The following CLSTN2 variants were observed in gnomAD, a reference collection of about 807,000 sequenced individuals.
CLSTN2 encodes the protein calsyntenin-2.
CLSTN2 carries 48 observed loss-of-function variants against 101.2 expected under a neutral mutation model. The ratio of observed to expected loss-of-function variants is 0.47; its 90% CI spans 0.38 to 0.60. CLSTN2 has a LOEUF of 0.60. Among genes scored for constraint, CLSTN2 ranks in the 20% least tolerant of loss-of-function variants. The pLI, the probability that CLSTN2 is intolerant of heterozygous loss-of-function variation, is 0.00. For missense variants in CLSTN2, 1,160 were observed against 1,238.2 expected (o/e 0.94, Z 0.95); for synonymous variants, 481 against 463.6 (o/e 1.04, Z -0.48).
chr3:140,085,027 T>A (rs1297627131), intron 1 of CLSTN2, among the ~76,000 whole-genome samples: 1 of 152,222 alleles, frequency 6.6e-6, no homozygotes, highest in Non-Finnish European at 1.5e-5. Context: ...CTTCTACCGT[T>A]TACTTCTCCA....
intron 1 of CLSTN2, among the ~76,000 whole-genome samples, chr3:140,146,541 A>G (rs1292045484): frequency 6.6e-6 from 1 of 152,264 alleles, no homozygotes; most frequent in Admixed American, 6.5e-5. Context: ...TAAATAAAGC[A>G]GGTAGGTAAT....
intron 2 of CLSTN2, among the ~76,000 whole-genome samples, chr3:140,273,681 G>A (rs955095657): frequency 1.3e-5 from 2 of 152,114 alleles, no homozygotes; most frequent in African/African-American, 4.8e-5. Flanking sequence ...CTAAAACCCA[G>A]CAAGGGCCTC....
intron 2 of CLSTN2, among the ~76,000 whole-genome samples, chr3:140,268,534 C>T (rs2086715610): frequency 1.3e-5 from 2 of 152,198 alleles, no homozygotes; most frequent in Admixed American, 1.3e-4. Flanking sequence ...TCATGTGGCA[C>T]TCTGGGGCAC....
At chr3:140,057,020 C>T (rs991305130) in intron 1 of CLSTN2, among the ~76,000 whole-genome samples, 19 of 152,312 alleles carry the variant, frequency 1.2e-4, no homozygotes, top group South Asian at 2.1e-4. Flanking sequence ...GGATTTCTCA[C>T]GCCCTCCCCA....
intron 2 of CLSTN2, among the ~76,000 whole-genome samples, chr3:140,330,481 A>C (rs2087372210): frequency 6.6e-6 from 1 of 152,012 alleles, no homozygotes; most frequent in African/African-American, 2.4e-5. Flanking sequence ...GCAGTACTAA[A>C]CCCCAGTTTG....
At position 140,285,729 on chromosome 3, in the gene CLSTN2, A is replaced by AT. The variant is rs1316165649; in HGVS notation, c.232+109657dup. Among the ~76,000 whole-genome samples the AT allele has an allele frequency of 2.0e-5, 3 of 152,310 alleles. No individual in the cohort carries two copies. The South Asian group carries it at 6.2e-4, about 32-fold the overall frequency. ...TGCCAATGCTGCTGGTCAGGCGACC[A>AT]TATCTCCAGAATTTCTGGGCTAAAA... On this transcript the variant is annotated intron_variant, in intron 2 of 16. Transcript: ENST00000458420.
At chr3:140,552,404 A>T (rs867046777) in intron 10 of CLSTN2, among the ~76,000 whole-genome samples, 4,931 of 147,552 alleles carry the variant, frequency 0.033, 82 homozygotes, top group East Asian at 0.052. Context: ...CGCAGTTTAA[A>T]AAAAAAAAAA....
intron 2 of CLSTN2, among the ~76,000 whole-genome samples, chr3:140,317,687 C>T (rs1476945524): frequency 6.6e-6 from 1 of 152,164 alleles, no homozygotes; most frequent in Non-Finnish European, 1.5e-5. Context: ...TTGACTGTTA[C>T]CTGACTCAGT....
At chr3:140,254,999 C>T (rs922086321) in intron 2 of CLSTN2, among the ~76,000 whole-genome samples, 1 of 152,104 alleles carries the variant, frequency 6.6e-6, no homozygotes, top group African/African-American at 2.4e-5. Flanking sequence ...AGGATATGAA[C>T]AGACACTTCT....
intron 2 of CLSTN2, among the ~76,000 whole-genome samples, chr3:140,236,193 T>A (rs1375141196): frequency 6.6e-6 from 1 of 152,204 alleles, no homozygotes; most frequent in Non-Finnish European, 1.5e-5. Flanking sequence ...AATATCAATT[T>A]TTTGTGCCAT....
chr3:140,539,975 C>T (rs1211595050), intron 9 of CLSTN2, among the ~76,000 whole-genome samples: 1 of 152,182 alleles, frequency 6.6e-6, no homozygotes, highest in African/African-American at 2.4e-5. Context: ...TAAAGATTGA[C>T]AGGCCCATCA....
At chr3:140,247,958 C>T (rs542447458) in intron 2 of CLSTN2, among the ~76,000 whole-genome samples, 1 of 152,170 alleles carries the variant, frequency 6.6e-6, no homozygotes, top group Non-Finnish European at 1.5e-5. Context: ...GGGCCAGTCA[C>T]AAGGATTTTT....
rs560213218 is a variant in CLSTN2 at position 140,361,293 on chromosome 3, A to G, written c.233-42336A>G. Among the ~76,000 whole-genome samples the G allele has an allele frequency of 1.1e-3, 164 of 152,350 alleles. 1 individual carries two copies. The highest frequency in any genetic ancestry group is 7.5e-3 in the South Asian group (36 of 4,826). Reference sequence around the variant, plus strand: ...CAATTGCCATAGAAAAAGGATGCGAAGAAATTCAAGACCTACTCAAACTAA... The same window carrying G: ...CAATTGCCATAGAAAAAGGATGCGAGGAAATTCAAGACCTACTCAAACTAA... On this transcript the variant is annotated intron_variant, in intron 2 of 16. Transcript: ENST00000458420.
In CLSTN2 at chr3:140,066,268, T is replaced by G. The variant is rs551665999; in HGVS notation, c.110-109683T>G. Among the ~76,000 whole-genome samples the G allele has an allele frequency of 5.3e-5, 8 of 152,370 alleles. No individual in the cohort carries two copies. In the South Asian group the frequency reaches 1.7e-3, roughly 32 times the overall value. ...AGCCTGTCTGTCTGCAGTCCCAGTG[T>G]GAGCTGCAGAGCAGCCTCCCACTTC... On this transcript the variant is annotated intron_variant, in intron 1 of 16. Coordinates refer to ENST00000458420, the MANE Select transcript of CLSTN2 (RefSeq NM_022131.3).
At chr3:140,489,431 G>A (rs566919244) in intron 8 of CLSTN2, among the ~76,000 whole-genome samples, 19 of 152,306 alleles carry the variant, frequency 1.2e-4, no homozygotes, top group African/African-American at 4.6e-4. Context: ...CTATGGCAGT[G>A]AGTGAGGCTC....
intron 1 of CLSTN2, among the ~76,000 whole-genome samples, chr3:140,004,135 A>G (rs2006908273): frequency 6.6e-6 from 1 of 152,236 alleles, no homozygotes; most frequent in South Asian, 2.1e-4. Context: ...TTATACATCA[A>G]GCAATGCCCA....
At chr3:140,376,113 G>A (rs1180923592) in intron 2 of CLSTN2, among the ~76,000 whole-genome samples, 1 of 152,112 alleles carries the variant, frequency 6.6e-6, no homozygotes, top group East Asian at 1.9e-4. Flanking sequence ...AAACAATTGA[G>A]GTCTGCTTTT....
chr3:140,403,747 G>A lies in CLSTN2; in HGVS notation c.351G>A (p.Gln117=), dbSNP rs1227489965. ...AGAGCCCCATTGACTGTGAGTTGCA[G>A]AAGGAGTACACATTCATCATCCAGG... is the stretch of plus-strand genomic sequence containing the variant. ...RAKSPIDCEL[Q]KEYTFIIQAY... The change falls in exon 3 of 17, where the codon CAG becomes CAA. Residue 117 remains glutamine (Q), a synonymous_variant. Coordinates refer to ENST00000458420, the MANE Select transcript of CLSTN2 (RefSeq NM_022131.3). 3.1e-6 allele frequency: 5 copies of A among 1,614,070 alleles called. No homozygotes were observed. The highest frequency in any genetic ancestry group is 4.2e-6 in the Non-Finnish European group (5 of 1,180,040).
intron 1 of CLSTN2, among the ~76,000 whole-genome samples, chr3:140,084,962 G>C (rs1056002992): frequency 3.3e-5 from 5 of 152,230 alleles, no homozygotes; most frequent in African/African-American, 1.2e-4. Flanking sequence ...CAAATGTGGT[G>C]TACCCACAGC....
Sources: allele counts gnomAD v4.1 joint callset (sites outside exome capture counted in the v4.1 genomes callset), GRCh38; gene constraint gnomAD v4.1.1; transcripts MANE v1.5; gene names NCBI Gene and HGNC (gene_info 2026-07-23, HGNC 2026-07-21).